SLC25A47: variants seen among roughly 807,000 people sequenced by gnomAD.
SLC25A47 encodes HCC-down-regulated mitochondrial carrier protein.
SLC25A47 carries 30 observed loss-of-function variants against 29.8 expected under a neutral mutation model. The ratio of observed to expected loss-of-function variants is 1.01; its 90% CI spans 0.75 to 1.36. SLC25A47 has a LOEUF of 1.36. SLC25A47 is among the 40% of genes most tolerant of loss of function. SLC25A47 has a pLI of 0.00. For synonymous variants in SLC25A47, 204 were observed against 197.8 expected (o/e 1.03, Z -0.26); for missense variants, 430 against 441.9 (o/e 0.97, Z 0.24).
Position 100,328,947 on chromosome 14 carries a change from G to T in SLC25A47, c.549G>T (p.Ser183=), listed in dbSNP as rs140138768. ...TGTGCGGCCTCTACAAGGGCAGCTC[G>T]GCCCTGGTCTTACGGGACGGCCACT... ...EGLCGLYKGS[S]ALVLRDGHSF... Residue 183 remains serine, a synonymous_variant, in exon 5 of 6, where the codon TCG becomes TCT. Coordinates refer to ENST00000361529, the MANE Select transcript of SLC25A47 (RefSeq NM_207117.4). The T allele has an allele frequency of 1.9e-6, 3 of 1,605,142 alleles. No homozygotes were observed. Among genetic ancestry groups the T allele is most frequent in the Non-Finnish European group, 2.5e-6 (3 of 1,179,876 alleles).
chr14:100,323,438 C>T lies in SLC25A47; in HGVS notation c.24C>T (p.Ile8=), dbSNP rs774802250. Residue 8 remains isoleucine, a synonymous_variant, in exon 1 of 6, where the codon ATC becomes ATT. Transcript: ENST00000361529. MDFVAGA[I]GGVCGVAVGY... ...TCATGGATTTTGTCGCTGGAGCCAT[C>T]GGAGGTAACAGACAGGATGGTGGGC... 1.3e-4 allele frequency: 209 copies of T among 1,613,780 alleles called. 1 individual carries two copies. The Admixed American group carries it at 2.6e-3, about 20-fold the overall frequency.
At chr14:100,323,555 C>T in intron 1 of SLC25A47, 113 bp downstream of exon 1, 1 of 1,259,934 alleles carries the variant, frequency 7.9e-7, no homozygotes, top group Non-Finnish European at 1.1e-6. Flanking sequence ...AGCCCCTCAC[C>T]CCCCAGGATC....
chr14:100,323,756 G>C (rs537054670), intron 1 of SLC25A47, among the ~76,000 whole-genome samples: 17 of 152,214 alleles, frequency 1.1e-4, no homozygotes, highest in African/African-American at 4.1e-4. Context: ...GGTGTGGGGA[G>C]GGGTGATTGA....
At chr14:100,326,856 C>T (rs1893347934) in intron 3 of SLC25A47, among the ~76,000 whole-genome samples, 1 of 152,152 alleles carries the variant, frequency 6.6e-6, no homozygotes. Flanking sequence ...CACCTGTAAT[C>T]GCAGTGGCTC....
chr14:100,323,817 A>T (rs548064990), intron 1 of SLC25A47, among the ~76,000 whole-genome samples: 6 of 151,770 alleles, frequency 4.0e-5, no homozygotes, highest in Non-Finnish European at 7.4e-5. Flanking sequence ...GGGTGGGGAG[A>T]TGGGTAGGGA....
Position 100,329,463 on chromosome 14 carries a change from G to C in SLC25A47, c.745G>C (p.Gly249Arg). 1 of 1,613,520 alleles carries C rather than the reference G, an allele frequency of 6.2e-7. No individual in the cohort carries two copies. The highest frequency in any genetic ancestry group is 8.5e-7 in the Non-Finnish European group (1 of 1,179,994). ...DVIKSRLQAD[G>R]QGQRRYRGLL... The stretch of plus-strand genomic sequence containing the variant: ...GATCAAGTCGAGACTGCAGGCAGAC[G>C]GGCAGGGCCAGAGGCGCTACCGGGG... Residue 249 changes from glycine to arginine, a missense_variant, in exon 6 of 6, where the codon GGG becomes CGG. By Grantham distance (125) the Gly-to-Arg change is moderately radical (BLOSUM62 -2). Transcript: ENST00000361529.
intron 1 of SLC25A47, among the ~76,000 whole-genome samples, 175 bp downstream of exon 1, chr14:100,323,617 C>T (rs899888231): frequency 2.0e-5 from 3 of 152,074 alleles, no homozygotes; most frequent in African/African-American, 7.2e-5. Flanking sequence ...GTGAGGGGTG[C>T]TGCAGGGCCT....
In SLC25A47 at chr14:100,329,444, G is replaced by A. The variant is rs1893408015; in HGVS notation, c.726G>A (p.Lys242=). 6.2e-7 allele frequency: 1 copy of A among 1,613,328 alleles called. No individual in the cohort carries two copies. The highest frequency in any genetic ancestry group is 1.3e-5 in the African/African-American group (1 of 74,934). Residue 242 remains lysine, a synonymous_variant, in exon 6 of 6, where the codon AAG becomes AAA. Coordinates refer to ENST00000361529, the MANE Select transcript of SLC25A47 (RefSeq NM_207117.4). ...WAVATPMDVI[K]SRLQADGQGQ... ...TGGCCACCCCCATGGACGTGATCAA[G>A]TCGAGACTGCAGGCAGACGGGCAGG...
chr14:100,328,737 G>A lies in SLC25A47; in HGVS notation c.339G>A (p.Thr113=), dbSNP rs756238030. The change falls in exon 5 of 6, where the codon ACG becomes ACA. Residue 113 remains threonine (T), a synonymous_variant. Coordinates refer to ENST00000361529, the MANE Select transcript of SLC25A47 (RefSeq NM_207117.4). ...CASGLVRVFL[T]SPTEVAKVRL... ...CTTCTCTGCTCCAGGTGTTCCTGAC[G>A]TCGCCCACTGAGGTGGCCAAAGTCC... 22 of 1,613,008 alleles carry A rather than the reference G, an allele frequency of 1.4e-5. No homozygotes were observed. Among genetic ancestry groups the A allele is most frequent in the South Asian group, 1.2e-4 (11 of 91,090 alleles).
chr14:100,327,051 G>C, intron 3 of SLC25A47, 137 bp from the exon 4 acceptor site: 1 of 811,592 alleles, frequency 1.2e-6, no homozygotes, highest in Non-Finnish European at 1.9e-6. Flanking sequence ...TTACAGCAGA[G>C]GAAACTGAGG....
intron 1 of SLC25A47, among the ~76,000 whole-genome samples, chr14:100,323,772 T>A (rs1181367565): frequency 6.6e-6 from 1 of 151,192 alleles, no homozygotes; most frequent in Admixed American, 6.6e-5. Context: ...ATTGAGTCAC[T>A]GGAAGGGAAA....
rs754738393 is a variant in SLC25A47, at chr14:100,327,383, A to T, written c.327+13A>T. ...CGGCCTCGTCCGCGTGAGTAGGGGC[A>T]GCCAGGGTGGGGAAGGCCCAAGAGA... is the stretch of plus-strand genomic sequence containing the variant. On this transcript the variant is annotated intron_variant, in intron 4 of 5. Transcript: ENST00000361529. 19 of 1,581,812 alleles carry T rather than the reference A, an allele frequency of 1.2e-5. No homozygotes were observed. Among genetic ancestry groups the T allele is most frequent in the Non-Finnish European group, 1.6e-5 (19 of 1,169,894 alleles).
In SLC25A47 at chr14:100,326,147, TC is replaced by T; in HGVS notation, c.73-9del. 6.2e-7 allele frequency: 1 copy of T among 1,612,286 alleles called. No individual in the cohort carries two copies. Among genetic ancestry groups the T allele is most frequent in the South Asian group, 1.1e-5 (1 of 90,718 alleles). On this transcript the variant is annotated splice_polypyrimidine_tract_variant and intron_variant, in intron 2 of 5. Coordinates refer to ENST00000361529, the MANE Select transcript of SLC25A47 (RefSeq NM_207117.4). ...GAGCCGCTCGTGCCTGAAGCCCACT[TC>T]TCCTGCAGGTCAGGATCCAGACGGA...
At chr14:100,327,808 G>A (rs1893369101) in intron 4 of SLC25A47, among the ~76,000 whole-genome samples, 1 of 152,236 alleles carries the variant, frequency 6.6e-6, no homozygotes, top group South Asian at 2.1e-4. Context: ...CTGCCCTCAG[G>A]GAGCCCTTGC....
chr14:100,326,042 C>T lies in SLC25A47; in HGVS notation c.73-115C>T, dbSNP rs534731670. 831 of 1,038,392 alleles carry T rather than the reference C, an allele frequency of 8.0e-4. 5 individuals carry two copies. The highest frequency in any genetic ancestry group is 4.0e-4 in the Non-Finnish European group (282 of 698,320). The allele number at this position is 1,038,392 out of a possible 1,614,324, so 64.3% of individuals were successfully genotyped here. A position where few individuals can be genotyped will look rare whatever the true frequency, so the allele number is the denominator to read the frequency against. On this transcript the variant is annotated intron_variant, in intron 2 of 5. Transcript: ENST00000361529. ...CACAAGGCTCCCTGTCCCTGCTGTG[C>T]CACCGTCCAGCATGGCTGGGACAAT...
rs1893384289 is a variant in SLC25A47 at position 100,328,718 on chromosome 14, T to C, written c.328-8T>C. On this transcript the variant is annotated splice_polypyrimidine_tract_variant and splice_region_variant and intron_variant, in intron 4 of 5. Transcript: ENST00000361529. ...GGTGGCTGACCCCTGCTTCCTTCTC[T>C]GCTCCAGGTGTTCCTGACGTCGCCC... 1 of 1,612,794 alleles carries C rather than the reference T, an allele frequency of 6.2e-7. No homozygotes were observed. The highest frequency in any genetic ancestry group is 8.5e-7 in the Non-Finnish European group (1 of 1,179,888).
At position 100,325,939 on chromosome 14, in the gene SLC25A47, C is replaced by G. The variant is rs529743570; in HGVS notation, c.72+108C>G. The G allele has an allele frequency of 1.1e-5, 14 of 1,245,132 alleles. No individual in the cohort carries two copies. In the Admixed American group the frequency reaches 2.7e-4, roughly 24 times the overall value. 77.1% of individuals were successfully genotyped at this position (1,245,132 alleles called of 1,614,324 possible). On this transcript the variant is annotated intron_variant, in intron 2 of 5. Transcript: ENST00000361529. The stretch of plus-strand genomic sequence containing the variant: ...GACCCACCCCTTTCCTACCCAAATG[C>G]CTTCAATGGCTCCCCATAGCCCCTG...
Position 100,329,630 on chromosome 14 carries a change from G to A in SLC25A47, c.912G>A (p.Arg304=). ...VAYEAVLRLA[R]GLLT Reference sequence around the variant, plus strand: ...ATGAGGCAGTGCTGAGGCTCGCCCGGGGTCTGCTCACATAGCCGGTCCCCA... The same window carrying A: ...ATGAGGCAGTGCTGAGGCTCGCCCGAGGTCTGCTCACATAGCCGGTCCCCA... The change falls in exon 6 of 6, where the codon CGG becomes CGA. Residue 304 remains arginine, a synonymous_variant. Coordinates refer to ENST00000361529, the MANE Select transcript of SLC25A47 (RefSeq NM_207117.4). 6.2e-7 allele frequency: 1 copy of A among 1,611,184 alleles called. No individual in the cohort carries two copies. Among genetic ancestry groups the A allele is most frequent in the Non-Finnish European group, 8.5e-7 (1 of 1,178,764 alleles).
At chr14:100,326,324 C>A in intron 3 of SLC25A47, 96 bp downstream of exon 3, 2 of 1,061,420 alleles carry the variant, frequency 1.9e-6, no homozygotes, top group Admixed American at 2.1e-5. Context: ...CCCGCTGGGT[C>A]TCAGCTCTCT....
Sources: gnomAD v4.1 joint callset for allele counts (sites outside exome capture counted in the v4.1 genomes callset) on GRCh38, gnomAD v4.1.1 for gene constraint, MANE v1.5 for transcripts, NCBI Gene and HGNC (gene_info 2026-07-23, HGNC 2026-07-21) for gene names.